ST6GALNAC3: variants seen among roughly 807,000 people sequenced by gnomAD.
The protein encoded by ST6GALNAC3 is ST6 N-acetylgalactosaminide alpha-2,6-sialyltransferase 3, also known as alpha-N-acetylgalactosaminide alpha-2,6-sialyltransferase 3.
Under a neutral mutation model 32.7 loss-of-function variants are expected in ST6GALNAC3, and 25 were observed. The observed-to-expected ratio is 0.76, with a 90% CI of 0.56 to 1.07. The LOEUF (loss-of-function observed/expected upper bound fraction) is 1.07. ST6GALNAC3 is among the 50% of genes least tolerant of loss of function. The pLI, the probability that ST6GALNAC3 is intolerant of heterozygous loss-of-function variation, is 0.00. For missense variants in ST6GALNAC3, 355 were observed against 382.4 expected (o/e 0.93, Z 0.60); for synonymous variants, 129 against 133.1 (o/e 0.97, Z 0.21).
At chr1:76,491,938 CATTTT>C (rs1302727683) in intron 3 of ST6GALNAC3, among the ~76,000 whole-genome samples, 2 of 152,180 alleles carry the variant, frequency 1.3e-5, no homozygotes, top group East Asian at 3.8e-4. Context: ...TTGCATAGAT[CATTTT>C]CGTCTCTGAT....
At chr1:76,614,754 A>T (rs1648180390) in intron 3 of ST6GALNAC3, among the ~76,000 whole-genome samples, 1 of 143,942 alleles carries the variant, frequency 6.9e-6, no homozygotes, top group Non-Finnish European at 1.5e-5. Flanking sequence ...AAAAAAAAAA[A>T]TTAATAAATA....
rs551859752 is a variant in ST6GALNAC3, at chr1:76,159,264, C to T, written c.18+84380C>T. 5.9e-5 allele frequency among the ~76,000 whole-genome samples: 9 copies of T among 152,310 alleles called. No individual in the cohort carries two copies. The South Asian group carries it at 1.9e-3, about 32-fold the overall frequency. ...AGTGCAGTGGCACGATCTTGGCTCA[C>T]CACAATCTCTGCCTCCCAGGTTCAA... On this transcript the variant is annotated intron_variant, in intron 1 of 4. Coordinates refer to ENST00000328299, the MANE Select transcript of ST6GALNAC3 (RefSeq NM_152996.4).
intron 3 of ST6GALNAC3, among the ~76,000 whole-genome samples, chr1:76,589,358 C>T (rs973082188): frequency 4.6e-5 from 7 of 152,120 alleles, no homozygotes; most frequent in African/African-American, 1.7e-4. Flanking sequence ...TTTACCTTCA[C>T]CTTGTGCTTC....
intron 1 of ST6GALNAC3, among the ~76,000 whole-genome samples, chr1:76,291,768 A>G (rs1487203665): frequency 6.6e-6 from 1 of 152,182 alleles, no homozygotes. Flanking sequence ...AAAAAAAGGG[A>G]GGGCATCATT....
intron 1 of ST6GALNAC3, among the ~76,000 whole-genome samples, chr1:76,270,029 GAT>G (rs1313786115): frequency 6.6e-6 from 1 of 152,114 alleles, no homozygotes; most frequent in African/African-American, 2.4e-5. Context: ...CTGGATAAGG[GAT>G]TCATGGGCAT....
chr1:76,211,752 A>C (rs895259022), intron 1 of ST6GALNAC3, among the ~76,000 whole-genome samples: 2 of 150,758 alleles, frequency 1.3e-5, no homozygotes, highest in South Asian at 4.4e-4. Context: ...ACATGGACAC[A>C]GGAAGGGGAA....
At chr1:76,313,729 T>A (rs1646812754) in intron 1 of ST6GALNAC3, 76 bp from the exon 2 acceptor site, 1 of 1,464,412 alleles carries the variant, frequency 6.8e-7, no homozygotes, top group African/African-American at 1.4e-5. Flanking sequence ...AAGAGAAGAA[T>A]AAAGGAACCT....
intron 2 of ST6GALNAC3, among the ~76,000 whole-genome samples, chr1:76,395,611 A>G (rs973951843): frequency 6.6e-6 from 1 of 150,774 alleles, no homozygotes; most frequent in Non-Finnish European, 1.5e-5. Context: ...ACACACACAC[A>G]CGCACACACA....
chr1:76,516,733 CA>C (rs1159294062), intron 3 of ST6GALNAC3, among the ~76,000 whole-genome samples: 1 of 152,070 alleles, frequency 6.6e-6, no homozygotes, highest in Non-Finnish European at 1.5e-5. Context: ...AGTTAACAAA[CA>C]AACACAGCAT....
chr1:76,373,883 AGT>A (rs1557833014), intron 2 of ST6GALNAC3, among the ~76,000 whole-genome samples: 1 of 152,172 alleles, frequency 6.6e-6, no homozygotes, highest in African/African-American at 2.4e-5. Flanking sequence ...AGACAGAAAA[AGT>A]GTTTTCTAAC....
chr1:76,137,695 G>T (rs1650038623), intron 1 of ST6GALNAC3, among the ~76,000 whole-genome samples: 1 of 145,574 alleles, frequency 6.9e-6, no homozygotes, highest in African/African-American at 2.6e-5. Flanking sequence ...CCCTGCAAGG[G>T]AGCTAGTTTG....
intron 2 of ST6GALNAC3, among the ~76,000 whole-genome samples, chr1:76,410,363 T>C (rs1447878979): frequency 6.6e-6 from 1 of 152,080 alleles, no homozygotes; most frequent in Non-Finnish European, 1.5e-5. Context: ...TTCACTTCAT[T>C]CAAGTCTTTC....
At chr1:76,163,511 C>T (rs2100387134) in intron 1 of ST6GALNAC3, among the ~76,000 whole-genome samples, 1 of 152,216 alleles carries the variant, frequency 6.6e-6, no homozygotes, top group South Asian at 2.1e-4. Flanking sequence ...GCCTCAGTTA[C>T]CTTGAATAAA....
intron 3 of ST6GALNAC3, among the ~76,000 whole-genome samples, chr1:76,475,904 C>T (rs895976798): frequency 2.0e-5 from 3 of 152,070 alleles, no homozygotes; most frequent in Admixed American, 2.0e-4. Context: ...CTGTGTCCTT[C>T]TGTTCTCATT....
At chr1:76,244,806 G>A (rs1657167065) in intron 1 of ST6GALNAC3, among the ~76,000 whole-genome samples, 1 of 152,152 alleles carries the variant, frequency 6.6e-6, no homozygotes, top group African/African-American at 2.4e-5. Flanking sequence ...CTTGATCACG[G>A]TGGATAAGTT....
intron 1 of ST6GALNAC3, among the ~76,000 whole-genome samples, chr1:76,263,404 T>C: frequency 6.6e-6 from 1 of 152,166 alleles, no homozygotes; most frequent in African/African-American, 2.4e-5. Flanking sequence ...TTTATATGGG[T>C]ATCAAGTCTA....
At chr1:76,257,534 C>A (rs187601123) in intron 1 of ST6GALNAC3, among the ~76,000 whole-genome samples, 1 of 152,088 alleles carries the variant, frequency 6.6e-6, no homozygotes, top group African/African-American at 2.4e-5. Flanking sequence ...TTTGGGCAGG[C>A]CTGATTTATT....
chr1:76,568,204 A>G (rs11803955), intron 3 of ST6GALNAC3, among the ~76,000 whole-genome samples: 1,890 of 152,206 alleles, frequency 0.012, 39 homozygotes, highest in African/African-American at 0.043. Flanking sequence ...CCCTATTTGT[A>G]AGGCTTAGAG....
chr1:76,600,714 C>A (rs1647211758), intron 3 of ST6GALNAC3, among the ~76,000 whole-genome samples: 1 of 152,194 alleles, frequency 6.6e-6, no homozygotes, highest in African/African-American at 2.4e-5. Flanking sequence ...AAAATAAATG[C>A]ATCAAAGCAA....
Sources: allele counts gnomAD v4.1 joint callset (sites outside exome capture counted in the v4.1 genomes callset), GRCh38; gene constraint gnomAD v4.1.1; transcripts MANE v1.5; gene names NCBI Gene and HGNC (gene_info 2026-07-23, HGNC 2026-07-21).